The following ZNF347 variants were observed in gnomAD, a reference collection of about 807,000 sequenced individuals.
The protein encoded by ZNF347 is zinc finger protein 347, also known as CTD-2620I22.7.
In ZNF347, 19 loss-of-function variants were observed where a neutral mutation model predicts 12.9. The ratio of observed to expected loss-of-function variants is 1.47; its 90% CI spans 1.03 to 2.16. ZNF347 has a LOEUF of 2.16. Among genes scored for constraint, ZNF347 ranks in the 30% most tolerant of loss-of-function variants. The pLI is 0.00. For synonymous variants in ZNF347, 328 were observed against 340.6 expected (o/e 0.96, Z 0.41); for missense variants, 1,005 against 990.6 (o/e 1.01, Z -0.19).
Position 53,146,132 on chromosome 19 carries a change from C to T in ZNF347, c.271+2549G>A, listed in dbSNP as rs536673817. On this transcript the variant is annotated intron_variant, in intron 4 of 4. Transcript: ENST00000334197. Reference sequence around the variant, plus strand: ...CTGGGATTACAGGCATGTGCCCCCACGCCCGGCTAATTTTGTATTTTTAGT... The same window carrying T: ...CTGGGATTACAGGCATGTGCCCCCATGCCCGGCTAATTTTGTATTTTTAGT... Among the ~76,000 whole-genome samples, 9 of 151,660 alleles carry T rather than the reference C, an allele frequency of 5.9e-5. No homozygotes were observed. In the East Asian group the frequency reaches 1.2e-3, roughly 20 times the overall value.
intron 4 of ZNF347, among the ~76,000 whole-genome samples, chr19:53,146,189 G>A (rs558836862): frequency 2.0e-5 from 3 of 152,048 alleles, no homozygotes; most frequent in East Asian, 1.9e-4. Flanking sequence ...TGGTCAGGCC[G>A]GTCTTGAATT....
chr19:53,143,516 T>C (rs1159143427), intron 4 of ZNF347, among the ~76,000 whole-genome samples: 2 of 151,724 alleles, frequency 1.3e-5, no homozygotes, highest in East Asian at 3.9e-4. Context: ...CTGAGAATGA[T>C]GGTTTCCAGC....
intron 3 of ZNF347, 181 bp downstream of exon 3, chr19:53,149,060 C>T: frequency 3.8e-6 from 5 of 1,298,966 alleles, no homozygotes; most frequent in South Asian, 1.5e-5. Context: ...TCCTGAAACC[C>T]TCCAGTGACA....
At chr19:53,154,638 T>C (rs2090520286) in intron 1 of ZNF347, among the ~76,000 whole-genome samples, 1 of 152,128 alleles carries the variant, frequency 6.6e-6, no homozygotes, top group African/African-American at 2.4e-5. Context: ...CTTAACGGGA[T>C]GTCCTAAAAG....
In ZNF347 at chr19:53,142,541, A is replaced by G; in HGVS notation, c.287T>C (p.Phe96Ser). The G allele has an allele frequency of 6.3e-7, 1 of 1,588,586 alleles. No homozygotes were observed. Among genetic ancestry groups the G allele is most frequent in the South Asian group, 1.2e-5 (1 of 86,936 alleles). ...KAVITALSSE[F>S]VMKDLLHKGK... ...TTTGTGTAGTAAATCTTTCATTACA[A>G]ATTCGGAAGAGAGAGCTACAAGATA... The change falls in exon 5 of 5, where the codon TTT becomes TCT. Residue 96 changes from phenylalanine (F) to serine (S), a missense_variant. By Grantham distance (155) the Phe-to-Ser change is radical. Transcript: ENST00000334197.
At chr19:53,158,567 G>A (rs1390022759) in intron 1 of ZNF347, 1 of 152,308 alleles carries the variant, frequency 6.6e-6, no homozygotes, top group East Asian at 1.9e-4. Flanking sequence ...CCCACACCGC[G>A]AGTCAGCTGG....
intron 3 of ZNF347, 34 bp from the exon 4 acceptor site, chr19:53,148,843 T>C: frequency 1.9e-6 from 3 of 1,607,594 alleles, no homozygotes; most frequent in Non-Finnish European, 1.7e-6. Flanking sequence ...CAATGGGCTG[T>C]AGATTTTCCA....
In ZNF347 at chr19:53,136,365, AAATGCAGTAAACAT is replaced by A. The variant is rs2090387993; in HGVS notation, c.*3929_*3942del. On this transcript the variant is annotated 3_prime_UTR_variant, in exon 5 of 5. Coordinates refer to ENST00000334197, the MANE Select transcript of ZNF347 (RefSeq NM_032584.3). Reference sequence around the variant, plus strand: ...TGTTCACTGGAGTAACACAGAGAAGAAATGCAGTAAACATATAATTTGGATTAAAATGTATGGAA... The same window carrying A: ...TGTTCACTGGAGTAACACAGAGAAGAATAATTTGGATTAAAATGTATGGAA... 6.6e-6 allele frequency: 1 copy of A among 152,082 alleles called. No homozygotes were observed. Among genetic ancestry groups the A allele is most frequent in the Non-Finnish European group, 1.5e-5 (1 of 68,028 alleles). 9.4% of individuals were successfully genotyped at this position (152,082 alleles called of 1,614,324 possible).
At position 53,142,972 on chromosome 19, in the gene ZNF347, A is replaced by C. The variant is rs184609962; in HGVS notation, c.272-416T>G. Among the ~76,000 whole-genome samples, 173 of 152,346 alleles carry C rather than the reference A, an allele frequency of 1.1e-3. 1 individual carries two copies. The highest frequency in any genetic ancestry group is 3.9e-3 in the African/African-American group (162 of 41,588). ...CGATGTAACTGTTACACTAATATTA[A>C]TATCATAATCATGGTGTGCAAACCA... On this transcript the variant is annotated intron_variant, in intron 4 of 4. Transcript: ENST00000334197.
At chr19:53,153,483 G>A (rs377572225) in intron 2 of ZNF347, among the ~76,000 whole-genome samples, 60 of 152,116 alleles carry the variant, frequency 3.9e-4, no homozygotes, top group African/African-American at 1.3e-3. Context: ...CCCTCACCCC[G>A]TCTCCATCCA....
At chr19:53,155,754 C>T (rs996915721) in intron 1 of ZNF347, among the ~76,000 whole-genome samples, 1 of 152,084 alleles carries the variant, frequency 6.6e-6, no homozygotes, top group Non-Finnish European at 1.5e-5. Context: ...ATTGATGGCA[C>T]GCATATTGTC....
Position 53,140,392 on chromosome 19 carries a change from A to G in ZNF347, c.2436T>C (p.His812=). 6.2e-7 allele frequency: 1 copy of G among 1,612,496 alleles called. No homozygotes were observed. Residue 812 remains histidine (H), a synonymous_variant, in exon 5 of 5, where the codon CAT becomes CAC. Coordinates refer to ENST00000334197, the MANE Select transcript of ZNF347 (RefSeq NM_032584.3). ...CSSLTTHQTI[H]TGGKPYKCNV... is the part of the protein sequence containing the mutation. ...TACATTTGTAAGGTTTCCCACCAGT[A>G]TGGATTGTCTGATGGGTAGTTAGGC...
chr19:53,158,908 A>AG (rs1202029796), intron 1 of ZNF347, 101 bp downstream of exon 1: 2 of 151,182 alleles, frequency 1.3e-5, no homozygotes, highest in East Asian at 1.9e-4. Context: ...ACCAAAAAAA[A>AG]AAAAAAAGAA....
intron 4 of ZNF347, among the ~76,000 whole-genome samples, chr19:53,144,100 A>AT (rs59972849): frequency 1 from 152,299 of 152,300 alleles, 76,149 homozygotes; most frequent in Middle Eastern, 1. Context: ...TGTTTAAGTG[A>AT]TTTCTCTGGT....
chr19:53,156,027 C>G (rs1028391168), intron 1 of ZNF347, among the ~76,000 whole-genome samples: 2 of 119,716 alleles, frequency 1.7e-5, no homozygotes, highest in Non-Finnish European at 3.3e-5. Context: ...CCAGGGGACT[C>G]CCAGGGGACT....
rs746124274 is a variant in ZNF347 at position 53,141,634 on chromosome 19, T to A, written c.1194A>T (p.Glu398Asp). 30 of 1,613,836 alleles carry A rather than the reference T, an allele frequency of 1.9e-5. No homozygotes were observed. The highest frequency in any genetic ancestry group is 2.4e-5 in the Non-Finnish European group (28 of 1,179,990). Residue 398 changes from glutamate to aspartate, a missense_variant, in exon 5 of 5, where the codon GAA (glutamate) becomes GAT (aspartate). Glu to Asp is a conservative substitution (Grantham distance 45). Coordinates refer to ENST00000334197, the MANE Select transcript of ZNF347 (RefSeq NM_032584.3). ...CACATTCATTACATTTGTAAGGTTT[T>A]TCTCCACTGTGGGTTGCCTGATGGA... ...LAIHQATHSG[E>D]KPYKCNECGK...
rs1163932695 is a variant in ZNF347, at chr19:53,135,331, TATATATATAG to T, written c.*4967_*4976del. 30 of 57,738 alleles carry T rather than the reference TATATATATAG, an allele frequency of 5.2e-4. No homozygotes were observed. Among genetic ancestry groups the T allele is most frequent in the Admixed American group, 9.8e-4 (5 of 5,118 alleles). 3.6% of individuals were successfully genotyped at this position (57,738 alleles called of 1,614,324 possible). ...ATATATATATATATATATATATATA[TATATATATAG>T]AGAGAGAGAGAGAGAGAGAGAGAGA... On this transcript the variant is annotated 3_prime_UTR_variant, in exon 5 of 5. Coordinates refer to ENST00000334197, the MANE Select transcript of ZNF347 (RefSeq NM_032584.3).
chr19:53,143,915 C>T (rs1249544185), intron 4 of ZNF347, among the ~76,000 whole-genome samples: 1 of 152,106 alleles, frequency 6.6e-6, no homozygotes, highest in Non-Finnish European at 1.5e-5. Context: ...TTAATGATCG[C>T]CATTCTAACT....
Position 53,148,680 on chromosome 19 carries a change from C to A in ZNF347, c.271+1G>T, listed in dbSNP as rs765748900. The A allele has an allele frequency of 1.2e-6, 2 of 1,611,920 alleles. No homozygotes were observed. The highest frequency in any genetic ancestry group is 1.3e-5 in the African/African-American group (1 of 74,988). On this transcript the variant is annotated splice_donor_variant, in intron 4 of 4. Transcript: ENST00000334197. LOFTEE classifies it high-confidence loss of function. Reference sequence around the variant, plus strand: ...TTTTCTCTACCCATCTGAACTCTTACCTGTGATCACAGCTTTGATCCATTC... The same window carrying A: ...TTTTCTCTACCCATCTGAACTCTTAACTGTGATCACAGCTTTGATCCATTC...
Sources: allele counts gnomAD v4.1 joint callset (sites outside exome capture counted in the v4.1 genomes callset), GRCh38; gene constraint gnomAD v4.1.1; transcripts MANE v1.5; gene names NCBI Gene and HGNC (gene_info 2026-07-23, HGNC 2026-07-21).